The following CRIM1 variants were observed in gnomAD, a reference collection of about 807,000 sequenced individuals.
The protein encoded by CRIM1 is cysteine-rich motor neuron 1 protein.
Under a neutral mutation model 116.4 loss-of-function variants are expected in CRIM1, and 32 were observed. The ratio of observed to expected loss-of-function variants is 0.27; its 90% confidence interval spans 0.21 to 0.37. The LOEUF is 0.37. CRIM1 is among the 10% of genes least tolerant of loss of function. The pLI is 1.00. For missense variants in CRIM1, 1,331 were observed against 1,354.8 expected (o/e 0.98, Z 0.28); for synonymous variants, 590 against 509.2 (o/e 1.16, Z -2.13).
At chr2:36,447,209 C>T (rs1003136081) in intron 4 of CRIM1, among the ~76,000 whole-genome samples, 1 of 152,150 alleles carries the variant, frequency 6.6e-6, no homozygotes, top group Non-Finnish European at 1.5e-5. Flanking sequence ...AGAGACAGAG[C>T]AGGTTCAAGG....
intron 1 of CRIM1, among the ~76,000 whole-genome samples, chr2:36,360,994 G>C (rs1669190114): frequency 6.6e-6 from 1 of 152,144 alleles, no homozygotes; most frequent in Non-Finnish European, 1.5e-5. Flanking sequence ...GGAATGGGAA[G>C]AGAAACCAAC....
rs182171011 is a variant in CRIM1, at chr2:36,442,667, G to A, written c.801G>A (p.Ala267=). 15 of 1,614,130 alleles carry A rather than the reference G, an allele frequency of 9.3e-6. No homozygotes were observed. Among genetic ancestry groups the A allele is most frequent in the East Asian group, 2.2e-5 (1 of 44,882 alleles). Residue 267 remains alanine (A), a synonymous_variant, in exon 4 of 17, where the codon GCG becomes GCA. Coordinates refer to ENST00000280527, the MANE Select transcript of CRIM1 (RefSeq NM_016441.3). ...TVECPPVQQT[A]CPPDSYETQV... is the part of the protein sequence containing the mutation. ...AATGCCCTCCTGTTCAGCAGACCGCGTGTCCCCCGGACAGCTATGAAACTC... is the reference window on the plus strand; with the variant it reads ...AATGCCCTCCTGTTCAGCAGACCGCATGTCCCCCGGACAGCTATGAAACTC...
chr2:36,402,490 G>A (rs796122065), intron 2 of CRIM1, among the ~76,000 whole-genome samples: 3 of 152,004 alleles, frequency 2.0e-5, no homozygotes, highest in African/African-American at 7.3e-5. Flanking sequence ...CCTTGTAGAA[G>A]ATGATGAGAT....
At chr2:36,508,581 C>T (rs1038773604) in intron 8 of CRIM1, among the ~76,000 whole-genome samples, 11 of 152,194 alleles carry the variant, frequency 7.2e-5, no homozygotes, top group Non-Finnish European at 1.0e-4. Flanking sequence ...GAACAATATT[C>T]AAACATTGCT....
At chr2:36,433,746 C>T (rs1675080160) in intron 2 of CRIM1, among the ~76,000 whole-genome samples, 2 of 152,144 alleles carry the variant, frequency 1.3e-5, no homozygotes, top group Non-Finnish European at 2.9e-5. Context: ...TAAGAAATCA[C>T]GTTACAGTCT....
At chr2:36,448,583 C>T (rs773396219) in intron 4 of CRIM1, among the ~76,000 whole-genome samples, 3 of 152,148 alleles carry the variant, frequency 2.0e-5, no homozygotes, top group Admixed American at 1.3e-4. Flanking sequence ...TACTCACTTT[C>T]ACTGTAAGTC....
chr2:36,510,756 T>C (rs1324355013), intron 9 of CRIM1, among the ~76,000 whole-genome samples: 3 of 152,140 alleles, frequency 2.0e-5, no homozygotes, highest in Non-Finnish European at 4.4e-5. Flanking sequence ...AAATAGACAC[T>C]TCATATTTGT....
intron 5 of CRIM1, among the ~76,000 whole-genome samples, chr2:36,470,037 G>C (rs1216107231): frequency 6.6e-6 from 1 of 152,146 alleles, no homozygotes; most frequent in African/African-American, 2.4e-5. Flanking sequence ...AATTATGAGA[G>C]TATAGTTAGC....
intron 1 of CRIM1, among the ~76,000 whole-genome samples, chr2:36,366,163 G>C (rs184820016): frequency 6.6e-6 from 1 of 152,170 alleles, no homozygotes; most frequent in Non-Finnish European, 1.5e-5. Context: ...GAAAGAACTT[G>C]ATGAAGAGAA....
chr2:36,440,201 C>T (rs892783622), intron 2 of CRIM1, among the ~76,000 whole-genome samples: 9 of 152,142 alleles, frequency 5.9e-5, no homozygotes, highest in African/African-American at 2.2e-4. Context: ...AGCTCTGGGG[C>T]CTCAGACGTT....
At chr2:36,413,612 A>G (rs1673374636) in intron 2 of CRIM1, among the ~76,000 whole-genome samples, 1 of 152,242 alleles carries the variant, frequency 6.6e-6, no homozygotes, top group Admixed American at 6.5e-5. Flanking sequence ...CAAATTGCGT[A>G]TAAAATTAGA....
At chr2:36,418,155 T>A (rs1673765915) in intron 2 of CRIM1, among the ~76,000 whole-genome samples, 1 of 152,210 alleles carries the variant, frequency 6.6e-6, no homozygotes. Flanking sequence ...GAGGAGTGTT[T>A]ACTTCCTGAA....
intron 2 of CRIM1, among the ~76,000 whole-genome samples, chr2:36,439,214 C>T (rs1235599022): frequency 6.6e-6 from 1 of 152,214 alleles, no homozygotes; most frequent in African/African-American, 2.4e-5. Context: ...CCCATCTCAT[C>T]TCGTTCTCCA....
intron 1 of CRIM1, among the ~76,000 whole-genome samples, chr2:36,379,660 G>A (rs1158929755): frequency 6.7e-6 from 1 of 149,868 alleles, no homozygotes; most frequent in Non-Finnish European, 1.5e-5. Flanking sequence ...TTGGGTCTTA[G>A]TAAATGAGTG....
chr2:36,517,275 G>A lies in CRIM1; in HGVS notation c.1991-52G>A, dbSNP rs956409244. ...AGCAAACAGCACCAGGCTTTCAAGA[G>A]TTGGAAAGATTGCAGATGAATAATG... On this transcript the variant is annotated intron_variant, in intron 11 of 16. Coordinates refer to ENST00000280527, the MANE Select transcript of CRIM1 (RefSeq NM_016441.3). 2.7e-6 allele frequency: 4 copies of A among 1,463,576 alleles called. No homozygotes were observed. The African/African-American group carries it at 4.2e-5, about 15-fold the overall frequency. 90.7% of individuals were successfully genotyped at this position (1,463,576 alleles called of 1,614,324 possible). A position where few individuals can be genotyped will look rare whatever the true frequency, so the allele number is the denominator to read the frequency against.
intron 1 of CRIM1, among the ~76,000 whole-genome samples, chr2:36,391,353 C>T (rs184049824): frequency 6.6e-6 from 1 of 151,640 alleles, no homozygotes; most frequent in Non-Finnish European, 1.5e-5. Flanking sequence ...TGGTCTCGAT[C>T]TCCTGACCTC....
At chr2:36,414,844 A>G (rs954522003) in intron 2 of CRIM1, among the ~76,000 whole-genome samples, 1 of 152,198 alleles carries the variant, frequency 6.6e-6, no homozygotes, top group South Asian at 2.1e-4. Context: ...GCTCAGTTAC[A>G]CAGACAACAT....
chr2:36,537,599 G>A, intron 14 of CRIM1, 53 bp downstream of exon 14: 19 of 1,506,792 alleles, frequency 1.3e-5, no homozygotes, highest in Non-Finnish European at 1.6e-5. Context: ...GATTTAAGAT[G>A]AAATCGAAGC....
At chr2:36,481,478 G>A (rs142478856) in intron 7 of CRIM1, among the ~76,000 whole-genome samples, 1 of 152,226 alleles carries the variant, frequency 6.6e-6, no homozygotes, top group Admixed American at 6.5e-5. Context: ...GAACCTCCTG[G>A]AATTCAGATA....
Sources: gnomAD v4.1 joint callset for allele counts (sites outside exome capture counted in the v4.1 genomes callset) on GRCh38, gnomAD v4.1.1 for gene constraint, MANE v1.5 for transcripts, NCBI Gene and HGNC (gene_info 2026-07-23, HGNC 2026-07-21) for gene names.